The following PCID2 variants were observed in gnomAD, a reference collection of about 807,000 sequenced individuals.
The protein encoded by PCID2 is PCI domain containing 2, also known as PCI domain-containing protein 2.
Under a neutral mutation model 61.3 loss-of-function variants are expected in PCID2, and 41 were observed. The observed-to-expected ratio is 0.67, with a 90% CI of 0.52 to 0.87. The LOEUF is 0.87. Ranked by LOEUF, PCID2 falls within the 40% of genes least tolerant of loss-of-function variation. The probability of loss-of-function intolerance (pLI) is 0.00; values close to 1 mark genes in which losing one functional copy is unlikely to be tolerated. For synonymous variants in PCID2, 187 were observed against 177.8 expected, an observed-to-expected ratio of 1.05 and a Z score of -0.41; for missense variants, 392 against 493.4, an observed-to-expected ratio of 0.79 and a Z score of 1.95.
chr13:113,171,978 G>A, the PCID2 span: 1 of 1,613,364 alleles, frequency 6.2e-7, no homozygotes, highest in Non-Finnish European at 8.5e-7. The surrounding 1 kb of genome is among the most constrained non-coding windows in gnomAD (Gnocchi z 5.1). Context: ...GTGGTCACCA[G>A]AGAACACAGA....
chr13:113,183,068 T>A (rs558967152), intron 9 of PCID2, among the ~76,000 whole-genome samples: 2 of 152,316 alleles, frequency 1.3e-5, no homozygotes, highest in South Asian at 4.1e-4. Flanking sequence ...GCTCTAGGAA[T>A]TCCTAGCAGT....
At chr13:113,189,379 A>G (rs771707710) in intron 7 of PCID2, among the ~76,000 whole-genome samples, 2 of 150,180 alleles carry the variant, frequency 1.3e-5, no homozygotes, top group Non-Finnish European at 3.0e-5. Flanking sequence ...CTTTTCTTAC[A>G]TTCCCCAGCC....
At chr13:113,200,563 T>C (rs2039344466) in intron 1 of PCID2, 47 bp from the exon 2 acceptor site, 3 of 1,261,092 alleles carry the variant, frequency 2.4e-6, no homozygotes, top group Admixed American at 1.7e-5. Context: ...AAATATTCTG[T>C]TCGAATAGAA....
chr13:113,208,611 C>T lies in PCID2; in HGVS notation c.24G>A (p.Gln8=), dbSNP rs2040142160. The change falls in exon 1 of 14, where the codon CAG becomes CAA. Residue 8 remains glutamine (Q), a synonymous_variant. Transcript: ENST00000337344. ...GGCTAGGACCCACCTGCTGCAGGTA[C>T]TGGTTAATGGTAATGTGCGCCATGG... MAHITIN[Q]YLQQVYEAID... 1 of 1,609,150 alleles carries T rather than the reference C, an allele frequency of 6.2e-7. No individual in the cohort carries two copies. Among genetic ancestry groups the T allele is most frequent in the Non-Finnish European group, 8.5e-7 (1 of 1,178,312 alleles).
chr13:113,202,918 G>GAGT (rs2039536226), intron 1 of PCID2, among the ~76,000 whole-genome samples: 1 of 152,164 alleles, frequency 6.6e-6, no homozygotes, highest in Non-Finnish European at 1.5e-5. Flanking sequence ...ATACCTATAT[G>GAGT]AGTAACCTTT....
At chr13:113,198,600 G>A (rs1439544292) in intron 2 of PCID2, among the ~76,000 whole-genome samples, 1 of 152,182 alleles carries the variant, frequency 6.6e-6, no homozygotes, top group African/African-American at 2.4e-5. Flanking sequence ...AGCTACTCAG[G>A]AGGCTGAGGC....
chr13:113,171,221 C>T, the PCID2 span, among the ~76,000 whole-genome samples: 1 of 152,194 alleles, frequency 6.6e-6, no homozygotes, highest in Non-Finnish European at 1.5e-5. The surrounding 1 kb of genome is among the most constrained non-coding windows in gnomAD (Gnocchi z 5.1). Context: ...CTGTGCCTGG[C>T]CCTTAAATAT....
At position 113,185,502 on chromosome 13, in the gene PCID2, ACAGCTGGTT is replaced by A. The variant is rs2138723892; in HGVS notation, c.517_525del (p.Asn173_Leu175del). On this transcript the variant is annotated inframe_deletion, in exon 8 of 14. Coordinates refer to ENST00000337344, the MANE Select transcript of PCID2 (RefSeq NM_001127202.4). ...AAGCACACCTTGAAGTAGATTTTAA[ACAGCTGGTT>A]CACCAGAAACAGCATGCCCCACTTC... 1 of 1,612,240 alleles carries A rather than the reference ACAGCTGGTT, an allele frequency of 6.2e-7. No individual in the cohort carries two copies.
At chr13:113,170,369 G>C in the PCID2 span, 8 of 1,262,530 alleles carry the variant, frequency 6.3e-6, no homozygotes. Flanking sequence ...CCCTAATCCT[G>C]CAAATTGTCA....
chr13:113,182,012 C>T (rs555580687), intron 9 of PCID2, among the ~76,000 whole-genome samples: 1 of 152,282 alleles, frequency 6.6e-6, no homozygotes, highest in South Asian at 2.1e-4. Flanking sequence ...AGAGAAGAGG[C>T]TTCACTAAGG....
At chr13:113,171,633 T>C in the PCID2 span, 1 of 1,614,156 alleles carries the variant, frequency 6.2e-7, no homozygotes, top group Non-Finnish European at 8.5e-7. This position sits in a 1 kb window ranked among gnomAD's most constrained non-coding sequence, Gnocchi z 5.1. Flanking sequence ...ATGATCAAGA[T>C]AACGCACGTC....
At chr13:113,204,688 G>T (rs2039675023) in intron 1 of PCID2, among the ~76,000 whole-genome samples, 1 of 152,206 alleles carries the variant, frequency 6.6e-6, no homozygotes, top group African/African-American at 2.4e-5. Flanking sequence ...TGTCCCAGGG[G>T]TGGTCCTATC....
intron 4 of PCID2, 54 bp downstream of exon 4, chr13:113,197,124 T>C (rs1258115692): frequency 6.2e-7 from 1 of 1,614,116 alleles, no homozygotes; most frequent in Non-Finnish European, 8.5e-7. Context: ...AAGTCCCAAG[T>C]AATCCACTGC....
intron 6 of PCID2, among the ~76,000 whole-genome samples, chr13:113,193,230 A>G (rs2038753573): frequency 6.6e-6 from 1 of 152,222 alleles, no homozygotes; most frequent in South Asian, 2.1e-4. Flanking sequence ...TAAAGGTAGA[A>G]AAAGTTTATT....
chr13:113,176,551 C>T (rs1214793257), downstream of PCID2, among the ~76,000 whole-genome samples: 4 of 4,224 alleles, frequency 9.5e-4, no homozygotes, highest in African/African-American at 1.2e-3. Context: ...TGCTTTAGCC[C>T]AGGCGTTCCA....
intron 7 of PCID2, chr13:113,190,607 A>G: frequency 3.2e-6 from 1 of 311,510 alleles, no homozygotes; most frequent in Non-Finnish European, 5.8e-6. Flanking sequence ...GGAAAGGGAA[A>G]TGGCACTAGA....
At chr13:113,191,051 G>A (rs915450075) in intron 6 of PCID2, 76 bp from the exon 7 acceptor site, 9 of 993,690 alleles carry the variant, frequency 9.1e-6, no homozygotes, top group Non-Finnish European at 1.1e-5. Flanking sequence ...GGACTGCAGT[G>A]GCACAATCAC....
Position 113,205,860 on chromosome 13 carries a change from G to C in PCID2, c.36+2739C>G, listed in dbSNP as rs145492450. On this transcript the variant is annotated intron_variant, in intron 1 of 13. Coordinates refer to ENST00000337344, the MANE Select transcript of PCID2 (RefSeq NM_001127202.4). ...AATGCTTATGACATTTCCATTTGGG[G>C]TGACAAAAAATTCTGGATAATGGTG... 5.2e-3 allele frequency among the ~76,000 whole-genome samples: 788 copies of C among 152,332 alleles called. 4 individuals are homozygous for C. Among genetic ancestry groups the C allele is most frequent in the Middle Eastern group, 0.024 (7 of 294 alleles).
intron 1 of PCID2, among the ~76,000 whole-genome samples, chr13:113,205,826 T>C (rs1171047731): frequency 6.6e-6 from 1 of 152,042 alleles, no homozygotes; most frequent in East Asian, 1.9e-4. Flanking sequence ...GACCAGGGAG[T>C]GACTGCTTAA....
Sources: gnomAD v4.1 joint callset for allele counts (sites outside exome capture counted in the v4.1 genomes callset) on GRCh38, gnomAD v4.1.1 for gene constraint, Gnocchi (gnomAD v3.1) non-coding constraint, MANE v1.5 for transcripts, NCBI Gene and HGNC (gene_info 2026-07-23, HGNC 2026-07-21) for gene names.